The following C12orf42 variants were observed in gnomAD, a reference collection of about 807,000 sequenced individuals.
C12orf42 encodes uncharacterized protein C12orf42.
Under a neutral mutation model 21.6 loss-of-function variants are expected in C12orf42, and 25 were observed. The observed-to-expected ratio is 1.16, with a 90% CI of 0.84 to 1.62. The LOEUF (loss-of-function observed/expected upper bound fraction) is 1.62. Ranked by LOEUF, C12orf42 falls within the 40% of genes most tolerant of loss-of-function variation. The probability of loss-of-function intolerance (pLI) is 0.00; values close to 1 mark genes in which losing one functional copy is unlikely to be tolerated. For synonymous variants in C12orf42, 174 were observed against 175.0 expected (o/e 0.99, Z 0.05); for missense variants, 483 against 459.3 (o/e 1.05, Z -0.47).
intron 4 of C12orf42, among the ~76,000 whole-genome samples, chr12:103,308,872 A>C (rs2038653430): frequency 6.6e-6 from 1 of 152,220 alleles, no homozygotes; most frequent in Admixed American, 6.5e-5. Context: ...AGAGATACAA[A>C]CATGCAGGAA....
At chr12:103,353,289 TAAAA>T (rs534030710) in intron 4 of C12orf42, among the ~76,000 whole-genome samples, 11 of 127,226 alleles carry the variant, frequency 8.6e-5, no homozygotes, top group African/African-American at 3.2e-4. Flanking sequence ...TCCACTGGAT[TAAAA>T]AAAAAAAGAG....
At chr12:103,409,684 T>C (rs1407685257) in intron 2 of C12orf42, among the ~76,000 whole-genome samples, 1 of 152,200 alleles carries the variant, frequency 6.6e-6, no homozygotes, top group African/African-American at 2.4e-5. Flanking sequence ...TTTTAATAGA[T>C]CTTTTTTAAG....
At chr12:103,527,386 C>T in the C12orf42 span, among the ~76,000 whole-genome samples, 4 of 152,042 alleles carry the variant, frequency 2.6e-5, no homozygotes, top group Non-Finnish European at 2.9e-5. Context: ...CTAATGTTGG[C>T]GGTGGGGCCT....
chr12:103,158,197 A>G, the C12orf42 span, among the ~76,000 whole-genome samples: 1 of 152,058 alleles, frequency 6.6e-6, no homozygotes, highest in Admixed American at 6.6e-5. Context: ...GAATTTTGTT[A>G]TTTTCTTGCA....
At chr12:103,241,572 ATG>A in intron 10 of C12orf42, among the ~76,000 whole-genome samples, 1 of 152,204 alleles carries the variant, frequency 6.6e-6, no homozygotes, top group Non-Finnish European at 1.5e-5. Flanking sequence ...CTTAAGTGCA[ATG>A]TGACCATTGG....
intron 3 of C12orf42, among the ~76,000 whole-genome samples, chr12:103,390,211 T>G (rs947118820): frequency 6.6e-6 from 1 of 152,180 alleles, no homozygotes; most frequent in Non-Finnish European, 1.5e-5. Flanking sequence ...GAAATAATAA[T>G]AGCTACCACT....
chr12:103,184,318 G>A, the C12orf42 span, among the ~76,000 whole-genome samples: 19 of 152,122 alleles, frequency 1.2e-4, no homozygotes. Flanking sequence ...TTGGTCTCTA[G>A]TAATTTTCTT....
chr12:103,243,095 T>C (rs1322823240), intron 10 of C12orf42, among the ~76,000 whole-genome samples: 2 of 152,128 alleles, frequency 1.3e-5, no homozygotes, highest in Non-Finnish European at 2.9e-5. Flanking sequence ...ACAATCATAG[T>C]TCACTACAGC....
At chr12:103,497,949 C>T (rs1393713030), upstream of C12orf42, among the ~76,000 whole-genome samples, 1 of 151,972 alleles carries the variant, frequency 6.6e-6, no homozygotes, top group Non-Finnish European at 1.5e-5. Flanking sequence ...GCAGGAGAAT[C>T]GCTTGAACCT....
At chr12:103,074,315 T>G in the C12orf42 span, among the ~76,000 whole-genome samples, 4 of 152,158 alleles carry the variant, frequency 2.6e-5, no homozygotes, top group Non-Finnish European at 5.9e-5. Flanking sequence ...TAAAAAATAC[T>G]TAGGTTAATA....
intron 4 of C12orf42, among the ~76,000 whole-genome samples, chr12:103,364,305 T>C (rs1297025472): frequency 1.3e-5 from 2 of 151,942 alleles, no homozygotes; most frequent in Non-Finnish European, 2.9e-5. Flanking sequence ...ACAATAATAG[T>C]GACACAACCC....
the C12orf42 span, among the ~76,000 whole-genome samples, chr12:103,553,811 AGAG>A: frequency 1.3e-5 from 2 of 152,194 alleles, no homozygotes; most frequent in Non-Finnish European, 2.9e-5. Context: ...CAGAGGAGAC[AGAG>A]GAGTTCTAGG....
At chr12:103,447,241 A>G (rs1951640048) in intron 2 of C12orf42, among the ~76,000 whole-genome samples, 1 of 151,980 alleles carries the variant, frequency 6.6e-6, no homozygotes. Context: ...TGGAAATTAA[A>G]TAACCTGCTC....
At chr12:103,056,037 T>C in the C12orf42 span, among the ~76,000 whole-genome samples, 1 of 152,148 alleles carries the variant, frequency 6.6e-6, no homozygotes, top group African/African-American at 2.4e-5. Context: ...GTTCTATACA[T>C]AGCGATTAGA....
the C12orf42 span, among the ~76,000 whole-genome samples, chr12:103,089,938 A>T: frequency 6.6e-6 from 1 of 152,196 alleles, no homozygotes; most frequent in Admixed American, 6.5e-5. Context: ...ATGGACACCG[A>T]AAAGATTTTA....
chr12:103,146,564 G>GAAAGAA, the C12orf42 span, among the ~76,000 whole-genome samples: 2 of 96,190 alleles, frequency 2.1e-5, no homozygotes, highest in Non-Finnish European at 4.0e-5. Context: ...AGAAAGAAAA[G>GAAAGAA]AAAGAAAGAA....
chr12:103,228,141 C>T, the C12orf42 span, among the ~76,000 whole-genome samples: 1 of 152,140 alleles, frequency 6.6e-6, no homozygotes, highest in African/African-American at 2.4e-5. Flanking sequence ...ACCAAACAGG[C>T]TTTGTGTGAG....
At chr12:103,210,468 G>A in the C12orf42 span, among the ~76,000 whole-genome samples, 1 of 152,024 alleles carries the variant, frequency 6.6e-6, no homozygotes, top group Non-Finnish European at 1.5e-5. Flanking sequence ...CTCACCTGGA[G>A]GCTGCTTCCT....
the C12orf42 span, among the ~76,000 whole-genome samples, chr12:103,518,662 A>C: frequency 6.6e-6 from 1 of 152,214 alleles, no homozygotes; most frequent in Non-Finnish European, 1.5e-5. Context: ...TTCACACTGT[A>C]TAGAGAAATG....
Sources: allele counts gnomAD v4.1 joint callset (sites outside exome capture counted in the v4.1 genomes callset), GRCh38; gene constraint gnomAD v4.1.1; transcripts MANE v1.5; gene names NCBI Gene and HGNC (gene_info 2026-07-23, HGNC 2026-07-21).